The following SV2C variants were observed in gnomAD, a reference collection of about 807,000 sequenced individuals.
SV2C encodes the protein solute carrier family 22 member B3.
A neutral mutation model predicts 79.7 loss-of-function variants in SV2C; 49 were observed. That is an observed-to-expected ratio of 0.61 (90% CI 0.49 to 0.78). The LOEUF (loss-of-function observed/expected upper bound fraction) is 0.78, where lower values mean the gene tolerates loss of function less well. SV2C is among the 30% of genes least tolerant of loss of function. The probability of loss-of-function intolerance (pLI) is 0.00; values close to 1 mark genes in which losing one functional copy is unlikely to be tolerated. For synonymous variants in SV2C, 334 were observed against 333.2 expected, an observed-to-expected ratio of 1.00 and a Z score of -0.03; for missense variants, 833 against 912.9, an observed-to-expected ratio of 0.91 and a Z score of 1.13.
the SV2C span, chr5:75,911,902 C>T: frequency 2.0e-6 from 1 of 502,238 alleles, no homozygotes. Context: ...TCTCACCCCA[C>T]ACCTCCCCAA....
At chr5:76,315,186 G>GCA (rs1491124647) in intron 12 of SV2C, among the ~76,000 whole-genome samples, 2 of 125,124 alleles carry the variant, frequency 1.6e-5, no homozygotes, top group African/African-American at 6.2e-5. Flanking sequence ...ACATGGCCAG[G>GCA]CGCACACACA....
At chr5:76,253,726 A>G (rs1746182185) in intron 4 of SV2C, among the ~76,000 whole-genome samples, 1 of 150,882 alleles carries the variant, frequency 6.6e-6, no homozygotes, top group South Asian at 2.1e-4. Context: ...AAAAAAAAAA[A>G]TCTCACCTTT....
chr5:76,107,476 C>G (rs1461770856), intron 1 of SV2C, among the ~76,000 whole-genome samples: 1 of 152,090 alleles, frequency 6.6e-6, no homozygotes, highest in African/African-American at 2.4e-5. Flanking sequence ...TTGCAGTTTT[C>G]AGATTATTAT....
At chr5:76,057,926 C>T in the SV2C span, among the ~76,000 whole-genome samples, 1 of 152,044 alleles carries the variant, frequency 6.6e-6, no homozygotes, top group Non-Finnish European at 1.5e-5. Flanking sequence ...TCAGTAATTT[C>T]TTTTTCCTGT....
the SV2C span, among the ~76,000 whole-genome samples, chr5:75,887,881 G>A: frequency 1.3e-5 from 2 of 151,976 alleles, no homozygotes; most frequent in Admixed American, 6.6e-5. Flanking sequence ...TCCTTGAAGC[G>A]GTTTTTAAAA....
chr5:75,922,085 A>T, the SV2C span, among the ~76,000 whole-genome samples: 1 of 152,164 alleles, frequency 6.6e-6, no homozygotes, highest in Non-Finnish European at 1.5e-5. Flanking sequence ...GATAAATGAT[A>T]TATATTAAAA....
intron 2 of SV2C, among the ~76,000 whole-genome samples, chr5:76,154,945 G>A (rs964524522): frequency 6.6e-6 from 1 of 152,166 alleles, no homozygotes; most frequent in Non-Finnish European, 1.5e-5. Context: ...AATAAAAGAG[G>A]AGGGTAGATA....
the SV2C span, among the ~76,000 whole-genome samples, chr5:75,896,220 T>C: frequency 0.029 from 2,014 of 70,096 alleles, 26 homozygotes; most frequent in Middle Eastern, 0.085. Context: ...CCCCGCCCCC[T>C]ACCCCACAAC....
the SV2C span, among the ~76,000 whole-genome samples, chr5:75,966,662 T>G: frequency 1.3e-5 from 2 of 152,206 alleles, no homozygotes; most frequent in Non-Finnish European, 2.9e-5. Flanking sequence ...AACAGCCACA[T>G]GCCACTACTC....
the SV2C span, among the ~76,000 whole-genome samples, chr5:76,008,243 T>C: frequency 7.2e-5 from 11 of 152,250 alleles, no homozygotes; most frequent in African/African-American, 1.4e-4. Context: ...CAGCTAAGGA[T>C]GAACTGAAGG....
At chr5:76,323,198 T>G (rs1350056849) in intron 12 of SV2C, among the ~76,000 whole-genome samples, 1 of 151,798 alleles carries the variant, frequency 6.6e-6, no homozygotes, top group Admixed American at 6.6e-5. Context: ...CAGAAAAAAA[T>G]AAACAACTTC....
In SV2C at chr5:76,255,995, A is replaced by G. The variant is rs1332401652; in HGVS notation, c.914-29167A>G. Among the ~76,000 whole-genome samples the G allele has an allele frequency of 4.6e-5, 7 of 152,216 alleles. No homozygotes were observed. The East Asian group carries it at 1.3e-3, about 29-fold the overall frequency. On this transcript the variant is annotated intron_variant, in intron 4 of 12. Transcript: ENST00000502798. ...AAATCAATAAAGGGGACAGAATGCAAAATATGTGCTAGGTTGTTTTTATGA... is the reference window on the plus strand; with the variant it reads ...AAATCAATAAAGGGGACAGAATGCAGAATATGTGCTAGGTTGTTTTTATGA...
chr5:76,152,601 A>ATGT (rs1749637186), intron 2 of SV2C, among the ~76,000 whole-genome samples: 1 of 152,252 alleles, frequency 6.6e-6, no homozygotes, highest in Non-Finnish European at 1.5e-5. Context: ...GGATAGTCAA[A>ATGT]TAGCAATTAT....
chr5:76,236,614 T>C (rs758994901), intron 4 of SV2C, among the ~76,000 whole-genome samples: 3 of 151,754 alleles, frequency 2.0e-5, no homozygotes, highest in East Asian at 1.9e-4. Flanking sequence ...AGGAGGGAGA[T>C]GCCAGGTTCT....
the SV2C span, among the ~76,000 whole-genome samples, chr5:76,073,523 A>ATATG: frequency 3.2e-5 from 4 of 125,888 alleles, no homozygotes; most frequent in Admixed American, 3.0e-4. Context: ...ATATATATAT[A>ATATG]TATATATATA....
At chr5:76,021,116 T>C in the SV2C span, among the ~76,000 whole-genome samples, 1 of 152,232 alleles carries the variant, frequency 6.6e-6, no homozygotes, top group Non-Finnish European at 1.5e-5. Flanking sequence ...TCTGAGGCCA[T>C]TGATTGGGCA....
At chr5:76,227,950 G>T (rs116768056) in intron 4 of SV2C, among the ~76,000 whole-genome samples, 2,422 of 152,248 alleles carry the variant, frequency 0.016, 37 homozygotes, top group Non-Finnish European at 0.022. Flanking sequence ...CAGCAGAATC[G>T]CAAATAGTTC....
chr5:76,234,966 C>T (rs190902516), intron 4 of SV2C, among the ~76,000 whole-genome samples: 13 of 152,308 alleles, frequency 8.5e-5, no homozygotes, highest in Non-Finnish European at 1.8e-4. Context: ...AAGACAGGGA[C>T]ATTCGATCAG....
the SV2C span, among the ~76,000 whole-genome samples, chr5:75,963,803 AGACT>A: frequency 6.6e-6 from 1 of 152,036 alleles, no homozygotes; most frequent in Non-Finnish European, 1.5e-5. Context: ...GCCAAATGTC[AGACT>A]GTCTTAGAAA....
Sources: gnomAD v4.1 joint callset for allele counts (sites outside exome capture counted in the v4.1 genomes callset) on GRCh38, gnomAD v4.1.1 for gene constraint, MANE v1.5 for transcripts, NCBI Gene and HGNC (gene_info 2026-07-23, HGNC 2026-07-21) for gene names.